Variants in SGCZ observed in about 807,000 individuals in gnomAD.
SGCZ encodes the protein zeta-sarcoglycan.
Under a neutral mutation model 41.3 loss-of-function variants are expected in SGCZ, and 40 were observed. That is an observed-to-expected ratio of 0.97 (90% CI 0.75 to 1.26). SGCZ has a LOEUF of 1.26. SGCZ is among the 50% of genes most tolerant of loss of function. SGCZ has a pLI of 0.00. For synonymous variants in SGCZ, 206 were observed against 137.5 expected, an observed-to-expected ratio of 1.50 and a Z score of -3.49; for missense variants, 552 against 369.8, an observed-to-expected ratio of 1.49 and a Z score of -4.04.
Position 14,253,322 on chromosome 8 carries a change from C to T in SGCZ, c.337-15643G>A, listed in dbSNP as rs73519419. The stretch of plus-strand genomic sequence containing the variant: ...AGATTTAATTTTTGTTTATGAATTG[C>T]CAGATCTTACGTGAAATCATAAGCA... On this transcript the variant is annotated intron_variant, in intron 3 of 7. Transcript: ENST00000382080. Among the ~76,000 whole-genome samples the T allele has an allele frequency of 6.6e-3, 993 of 150,764 alleles. 8 individuals carry two copies. The highest frequency in any genetic ancestry group is 0.023 in the African/African-American group (950 of 41,040).
intron 1 of SGCZ, among the ~76,000 whole-genome samples, chr8:14,769,793 T>TAAAAAAAAAAAAAAAAAAAA (rs565416806): frequency 2.9e-4 from 15 of 52,190 alleles, no homozygotes; most frequent in Non-Finnish European, 3.8e-4. Flanking sequence ...AAAACACCAT[T>TAAAAAAAAAAAAAAAAAAAA]AAAAAAAAAA....
In SGCZ at chr8:14,201,799, T is replaced by C. The variant is rs979029036; in HGVS notation, c.424+35793A>G. On this transcript the variant is annotated intron_variant, in intron 4 of 7. Coordinates refer to ENST00000382080, the MANE Select transcript of SGCZ (RefSeq NM_139167.4). ...ATACCTTCACAGACTCTTGTAAAAATGTGTTTATAGAAATGACAATTTCAA... is the reference window on the plus strand; with the variant it reads ...ATACCTTCACAGACTCTTGTAAAAACGTGTTTATAGAAATGACAATTTCAA... 6.6e-5 allele frequency among the ~76,000 whole-genome samples: 10 copies of C among 152,118 alleles called. No individual in the cohort carries two copies. The South Asian group carries it at 8.3e-4, about 13-fold the overall frequency.
At chr8:14,423,791 A>G (rs1329604759) in intron 2 of SGCZ, among the ~76,000 whole-genome samples, 1 of 151,910 alleles carries the variant, frequency 6.6e-6, no homozygotes, top group African/African-American at 2.4e-5. Context: ...CTTTCTCTGC[A>G]TCATTTTTAC....
At chr8:15,069,606 A>G (rs1287266827) in intron 1 of SGCZ, among the ~76,000 whole-genome samples, 2 of 152,150 alleles carry the variant, frequency 1.3e-5, no homozygotes, top group Non-Finnish European at 2.9e-5. Flanking sequence ...ATTCACTCTG[A>G]CAGTTCTGAT....
intron 2 of SGCZ, among the ~76,000 whole-genome samples, chr8:14,513,340 T>A (rs1365636568): frequency 3.9e-5 from 6 of 152,100 alleles, no homozygotes; most frequent in Non-Finnish European, 7.4e-5. Context: ...GCCAAACCAC[T>A]ATTACCAGTT....
intron 1 of SGCZ, among the ~76,000 whole-genome samples, chr8:14,673,795 T>G (rs548734663): frequency 2.6e-5 from 4 of 152,186 alleles, no homozygotes; most frequent in African/African-American, 4.8e-5. Flanking sequence ...TGATGCCCGA[T>G]GTAGATGCTA....
At chr8:14,798,217 T>A (rs1801201525) in intron 1 of SGCZ, among the ~76,000 whole-genome samples, 1 of 152,166 alleles carries the variant, frequency 6.6e-6, no homozygotes, top group African/African-American at 2.4e-5. Context: ...CCAGTTGATA[T>A]AAAAAATCAT....
rs369912209 is a variant in SGCZ at position 14,088,747 on chromosome 8, T to C, written c.*1696A>G. Among the ~76,000 whole-genome samples the C allele has an allele frequency of 1.3e-5, 2 of 152,056 alleles. No individual in the cohort carries two copies. Among genetic ancestry groups the C allele is most frequent in the East Asian group, 3.9e-4 (2 of 5,146 alleles). ...AATGAGCTTTTTCAGTTATTTGATA[T>C]GCTAGGTTATGCAAACAAGATAATT... On this transcript the variant is annotated 3_prime_UTR_variant, in exon 8 of 8. Coordinates refer to ENST00000382080, the MANE Select transcript of SGCZ (RefSeq NM_139167.4).
intron 1 of SGCZ, among the ~76,000 whole-genome samples, chr8:14,834,293 A>T (rs543478588): frequency 6.6e-6 from 1 of 152,294 alleles, no homozygotes; most frequent in South Asian, 2.1e-4. Context: ...GAGCTTAGCC[A>T]TTTTATTCAT....
At chr8:15,224,658 A>G (rs938107880) in intron 1 of SGCZ, among the ~76,000 whole-genome samples, 2 of 152,192 alleles carry the variant, frequency 1.3e-5, no homozygotes, top group African/African-American at 4.8e-5. Context: ...CGGATTTCTA[A>G]AATCTAACTA....
rs1246943854 is a variant in SGCZ at position 14,551,517 on chromosome 8, T to C, written c.234+3215A>G. On this transcript the variant is annotated intron_variant, in intron 2 of 7. Coordinates refer to ENST00000382080, the MANE Select transcript of SGCZ (RefSeq NM_139167.4). ...TATATATTATATATATTATATATAT[T>C]ATATATAATATATATAATATATATA... Among the ~76,000 whole-genome samples the C allele has an allele frequency of 7.3e-4, 5 of 6,848 alleles. 2 individuals carry two copies. Among genetic ancestry groups the C allele is most frequent in the Non-Finnish European group, 1.0e-3 (5 of 4,782 alleles). 4.5% of individuals were successfully genotyped at this position (6,848 alleles called of 152,430 possible).
chr8:15,045,775 G>A (rs1241972761), intron 1 of SGCZ, among the ~76,000 whole-genome samples: 2 of 152,052 alleles, frequency 1.3e-5, no homozygotes, highest in Admixed American at 1.3e-4. Flanking sequence ...ATTTGACAAA[G>A]TGGGTAATCA....
chr8:14,874,996 T>C lies in SGCZ; in HGVS notation c.40-320070A>G, dbSNP rs115652224. Among the ~76,000 whole-genome samples the C allele has an allele frequency of 8.6e-3, 1,310 of 152,282 alleles. 13 individuals carry two copies. Among genetic ancestry groups the C allele is most frequent in the African/African-American group, 0.03 (1,227 of 41,576 alleles). ...TCAGCTCTTAAAAAGGACTCAGATC[T>C]TCCTGGAGAAATTTCAAGCATAAAA... is the stretch of plus-strand genomic sequence containing the variant. On this transcript the variant is annotated intron_variant, in intron 1 of 7. Coordinates refer to ENST00000382080, the MANE Select transcript of SGCZ (RefSeq NM_139167.4).
At chr8:14,549,640 G>A (rs767391943) in intron 2 of SGCZ, among the ~76,000 whole-genome samples, 5 of 151,996 alleles carry the variant, frequency 3.3e-5, no homozygotes, top group Non-Finnish European at 7.4e-5. Flanking sequence ...AAGGAAATGC[G>A]GGGACGTTGA....
At chr8:14,336,355 G>A (rs1374717166) in intron 2 of SGCZ, among the ~76,000 whole-genome samples, 2 of 152,104 alleles carry the variant, frequency 1.3e-5, no homozygotes, top group African/African-American at 2.4e-5. Context: ...GGGCATTTAT[G>A]TTGATTCTAT....
chr8:14,687,405 T>A (rs1412644212), intron 1 of SGCZ, among the ~76,000 whole-genome samples: 4 of 149,378 alleles, frequency 2.7e-5, no homozygotes, highest in Non-Finnish European at 4.5e-5. Flanking sequence ...CCATGTGTTC[T>A]CATTGTTCAA....
At chr8:14,344,720 G>C (rs912997182) in intron 2 of SGCZ, among the ~76,000 whole-genome samples, 15 of 148,690 alleles carry the variant, frequency 1.0e-4, no homozygotes, top group Non-Finnish European at 2.1e-4. Flanking sequence ...ATAACGACTT[G>C]AGTTAAATTA....
chr8:14,703,529 C>T (rs564302334), intron 1 of SGCZ, among the ~76,000 whole-genome samples: 1 of 152,038 alleles, frequency 6.6e-6, no homozygotes, highest in African/African-American at 2.4e-5. Flanking sequence ...CTGAATATTG[C>T]CTTATATATT....
chr8:14,603,223 G>C (rs1468337788), intron 1 of SGCZ, among the ~76,000 whole-genome samples: 1 of 152,008 alleles, frequency 6.6e-6, no homozygotes, highest in Non-Finnish European at 1.5e-5. Flanking sequence ...CTAGAAAAAG[G>C]CCTTGAAAAT....
Sources: allele counts gnomAD v4.1 joint callset (sites outside exome capture counted in the v4.1 genomes callset), GRCh38; gene constraint gnomAD v4.1.1; transcripts MANE v1.5; gene names NCBI Gene and HGNC (gene_info 2026-07-23, HGNC 2026-07-21).